The following ENAH variants were observed in gnomAD, a reference collection of about 807,000 sequenced individuals.
The protein encoded by ENAH is ENAH actin regulator.
In ENAH, 23 loss-of-function variants were observed where a neutral mutation model predicts 78.7. The observed-to-expected ratio is 0.29, with a 90% confidence interval of 0.21 to 0.41. The LOEUF (loss-of-function observed/expected upper bound fraction) is 0.41. Ranked by LOEUF, ENAH falls within the 10% of genes least tolerant of loss-of-function variation. ENAH has a pLI of 1.00. For synonymous variants in ENAH, 226 were observed against 241.0 expected (o/e 0.94, Z 0.58); for missense variants, 544 against 691.0 (o/e 0.79, Z 2.39).
At chr1:225,498,227 G>A (rs1558701069) in intron 13 of ENAH, 120 bp downstream of exon 13, 3 of 762,770 alleles carry the variant, frequency 3.9e-6, no homozygotes, top group Non-Finnish European at 4.4e-6. Context: ...TAAAAGGGCA[G>A]GACTATGGAA....
chr1:225,520,905 A>AAGGG (rs1268293615), intron 4 of ENAH, among the ~76,000 whole-genome samples: 1 of 129,064 alleles, frequency 7.7e-6, no homozygotes, highest in African/African-American at 2.9e-5. Context: ...GAAGAAAAAG[A>AAGGG]AGGGAAGGAA....
intron 1 of ENAH, among the ~76,000 whole-genome samples, chr1:225,629,312 G>C (rs188340303): frequency 6.6e-5 from 10 of 151,218 alleles, no homozygotes; most frequent in African/African-American, 2.2e-4. Flanking sequence ...AAGGCTGGGC[G>C]CTGTGGCTCA....
In ENAH at chr1:225,512,976, C is replaced by T. The variant is rs1292798567; in HGVS notation, c.1259G>A (p.Gly420Asp). ...TSFPSGGNAI[G>D]VNSASSKTDT... ...TGTTTTAGATGAGGCGGAGTTCACA[C>T]CAATAGCATTCCCTCCACTTGGGAA... Residue 420 changes from glycine to aspartate, a missense_variant, in exon 8 of 14, where the codon GGT becomes GAT. This residue lies in a region of ENAH where 366 missense variants were observed against 396.1 expected (regional missense o/e 0.92). Coordinates refer to ENST00000366843, the MANE Select transcript of ENAH (RefSeq NM_018212.6). 6.2e-6 allele frequency: 10 copies of T among 1,613,626 alleles called. No individual in the cohort carries two copies. Among genetic ancestry groups the T allele is most frequent in the Non-Finnish European group, 8.5e-6 (10 of 1,179,834 alleles).
At chr1:225,577,322 G>GA (rs1168394745) in intron 1 of ENAH, among the ~76,000 whole-genome samples, 1 of 152,046 alleles carries the variant, frequency 6.6e-6, no homozygotes, top group African/African-American at 2.4e-5. Flanking sequence ...AGAATCAGGA[G>GA]AAAAAATTTG....
intron 4 of ENAH, among the ~76,000 whole-genome samples, chr1:225,526,514 T>C (rs1055584618): frequency 6.6e-6 from 1 of 152,084 alleles, no homozygotes; most frequent in African/African-American, 2.4e-5. Context: ...AATTTTTGCA[T>C]TTTTAGTAGA....
intron 6 of ENAH, among the ~76,000 whole-genome samples, chr1:225,515,667 C>T (rs563405011): frequency 6.6e-6 from 1 of 152,236 alleles, no homozygotes; most frequent in South Asian, 2.1e-4. Flanking sequence ...ACAGTAGGTG[C>T]TCTTTTAGTT....
Position 225,507,160 on chromosome 1 carries a change from G to C in ENAH, c.1538+791C>G, listed in dbSNP as rs113458370. Among the ~76,000 whole-genome samples, 370 of 152,170 alleles carry C rather than the reference G, an allele frequency of 2.4e-3. 2 individuals carry two copies. Among genetic ancestry groups the C allele is most frequent in the African/African-American group, 8.4e-3 (350 of 41,538 alleles). ...TGCCCACATGTACTTGTAGAAACAA[G>C]TATTAACTAGCCTTGTTTCTGGATA... On this transcript the variant is annotated intron_variant, in intron 11 of 13. Coordinates refer to ENST00000366843, the MANE Select transcript of ENAH (RefSeq NM_018212.6).
chr1:225,558,613 G>T (rs2096681020), intron 2 of ENAH, among the ~76,000 whole-genome samples: 1 of 132,602 alleles, frequency 7.5e-6, no homozygotes. Context: ...GCTTTCTACT[G>T]CATTAATTTC....
chr1:225,601,218 C>G (rs10915848), intron 1 of ENAH, among the ~76,000 whole-genome samples: 9,960 of 152,136 alleles, frequency 0.065, 416 homozygotes, highest in Middle Eastern at 0.1. Context: ...CTCAACAGTA[C>G]AAACAGAAGG....
intron 2 of ENAH, among the ~76,000 whole-genome samples, chr1:225,561,367 T>A (rs2151469218): frequency 6.6e-6 from 1 of 152,140 alleles, no homozygotes; most frequent in African/African-American, 2.4e-5. Flanking sequence ...CTTACGCCTG[T>A]AATCCCAGCA....
chr1:225,642,663 G>C (rs1661296334), intron 1 of ENAH, among the ~76,000 whole-genome samples: 2 of 152,088 alleles, frequency 1.3e-5, no homozygotes, highest in African/African-American at 4.8e-5. Context: ...GCTTTACTAG[G>C]CTTTGAGATG....
At chr1:225,520,749 G>C (rs1270730871) in intron 4 of ENAH, among the ~76,000 whole-genome samples, 1 of 152,134 alleles carries the variant, frequency 6.6e-6, no homozygotes, top group Non-Finnish European at 1.5e-5. Flanking sequence ...CCAGCTACTT[G>C]GGAGGCTGAG....
chr1:225,565,202 G>A (rs955619956), intron 2 of ENAH, among the ~76,000 whole-genome samples: 2 of 152,166 alleles, frequency 1.3e-5, no homozygotes, highest in Admixed American at 1.3e-4. Context: ...TTGGGAGGCT[G>A]AGGCAGGTGG....
intron 6 of ENAH, 141 bp downstream of exon 6, chr1:225,517,055 A>T (rs896111193): frequency 5.2e-5 from 8 of 154,738 alleles, no homozygotes; most frequent in Admixed American, 7.1e-5. Flanking sequence ...TTTTTTAATT[A>T]AAAAAAAAAA....
chr1:225,487,937 G>A lies in ENAH; in HGVS notation c.*9838C>T, dbSNP rs1237438299. 1 of 151,276 alleles carries A rather than the reference G, an allele frequency of 6.6e-6. No individual in the cohort carries two copies. Among genetic ancestry groups the A allele is most frequent in the Non-Finnish European group, 1.5e-5 (1 of 67,880 alleles). 9.4% of individuals were successfully genotyped at this position (151,276 alleles called of 1,614,324 possible). The stretch of plus-strand genomic sequence containing the variant: ...ATACTTTTGGTCTATCAACTTGGTA[G>A]GCCTGAAAAAAAAAAGTATTTAACC... On this transcript the variant is annotated 3_prime_UTR_variant, in exon 14 of 14. Coordinates refer to ENST00000366843, the MANE Select transcript of ENAH (RefSeq NM_018212.6).
chr1:225,575,094 T>C (rs1013470538), intron 1 of ENAH, among the ~76,000 whole-genome samples: 3 of 152,158 alleles, frequency 2.0e-5, no homozygotes, highest in African/African-American at 7.2e-5. Context: ...CACAACATCC[T>C]ACAAATGTAG....
At chr1:225,552,134 C>CTTTTTTTTTTTTTTTTTTTTTT (rs397983036) in intron 3 of ENAH, among the ~76,000 whole-genome samples, 1 of 115,966 alleles carries the variant, frequency 8.6e-6, no homozygotes, top group Non-Finnish European at 1.7e-5. Flanking sequence ...ACTCCTGATT[C>CTTTTTTTTTTTTTTTTTTTTTT]TTTTTTTTTT....
chr1:225,501,057 G>C lies in ENAH; in HGVS notation c.1552C>G (p.Pro518Ala). Residue 518 changes from proline (P) to alanine (A), a missense_variant, in exon 12 of 14, where the codon CCC (proline) becomes GCC (alanine). Around this residue, in one of 4 missense-constraint regions of ENAH, gnomAD observed 97 missense variants for 124.4 expected, o/e 0.78. Transcript: ENST00000366843. Reference protein sequence around the residue: ...SPVISRPKSTPLSQPSANGVQ... With the variant: ...SPVISRPKSTALSQPSANGVQ... Reference sequence around the variant, plus strand: ...CCATTGGCACTGGGCTGTGATAAGGGTGTGGATTTTGGTCTGTATAAATGA... The same window carrying C: ...CCATTGGCACTGGGCTGTGATAAGGCTGTGGATTTTGGTCTGTATAAATGA... 1 of 1,614,058 alleles carries C rather than the reference G, an allele frequency of 6.2e-7. No individual in the cohort carries two copies. Among genetic ancestry groups the C allele is most frequent in the Middle Eastern group, 1.6e-4 (1 of 6,062 alleles).
intron 1 of ENAH, among the ~76,000 whole-genome samples, chr1:225,605,440 G>A (rs2096951730): frequency 6.6e-6 from 1 of 152,154 alleles, no homozygotes; most frequent in Admixed American, 6.5e-5. Flanking sequence ...GCAAGTCTCA[G>A]AGAAGTTACA....
Sources: allele counts gnomAD v4.1 joint callset (sites outside exome capture counted in the v4.1 genomes callset), GRCh38; gene constraint gnomAD v4.1.1; regional missense constraint gnomAD v4.1.1; transcripts MANE v1.5; gene names NCBI Gene and HGNC (gene_info 2026-07-23, HGNC 2026-07-21).